Variants in TRIM33 observed in about 807,000 individuals in gnomAD.
TRIM33 encodes E3 ubiquitin-protein ligase TRIM33.
TRIM33 carries 20 observed loss-of-function variants against 125.4 expected under a neutral mutation model. That is an observed-to-expected ratio of 0.16 (90% CI 0.11 to 0.23). TRIM33 has a LOEUF of 0.23. Ranked by LOEUF, TRIM33 falls within the 10% of genes least tolerant of loss-of-function variation. TRIM33 has a pLI of 1.00. For synonymous variants in TRIM33, 564 were observed against 513.9 expected, an observed-to-expected ratio of 1.10 and a Z score of -1.32; for missense variants, 920 against 1,411.4, an observed-to-expected ratio of 0.65 and a Z score of 5.58.
chr1:114,399,744 G>C, intron 17 of TRIM33, 135 bp from the exon 18 acceptor site: 1 of 670,222 alleles, frequency 1.5e-6, no homozygotes, highest in Non-Finnish European at 2.4e-6. Flanking sequence ...GAGTATAGAC[G>C]TATGTACTTT....
rs376570571 is a variant in TRIM33 at position 114,461,803 on chromosome 1, T to C, written c.923+1301A>G. ...TGCAGCTGTGAAAAAGGTAATCTAA[T>C]GTCTTACTGAGACTGTTAGCAGACA... On this transcript the variant is annotated intron_variant, in intron 4 of 19. Coordinates refer to ENST00000358465, the MANE Select transcript of TRIM33 (RefSeq NM_015906.4). Among the ~76,000 whole-genome samples, 252 of 152,276 alleles carry C rather than the reference T, an allele frequency of 1.7e-3. 10 individuals carry two copies. In the South Asian group the frequency reaches 0.051, roughly 31 times the overall value.
chr1:114,416,082 T>C (rs553421570), intron 11 of TRIM33, among the ~76,000 whole-genome samples: 1 of 152,232 alleles, frequency 6.6e-6, no homozygotes, highest in African/African-American at 2.4e-5. Flanking sequence ...AGGGTCTTAA[T>C]ACATGGTAAG....
At chr1:114,407,302 A>G (rs1453357700) in intron 13 of TRIM33, among the ~76,000 whole-genome samples, 1 of 152,150 alleles carries the variant, frequency 6.6e-6, no homozygotes, top group African/African-American at 2.4e-5. Context: ...AGCAACTTTC[A>G]GAAGACCCTA....
chr1:114,411,749 G>A (rs982996448), intron 11 of TRIM33, among the ~76,000 whole-genome samples: 1 of 152,142 alleles, frequency 6.6e-6, no homozygotes, highest in Non-Finnish European at 1.5e-5. Flanking sequence ...GGACATCCCT[G>A]ATGTCATTAT....
intron 4 of TRIM33, among the ~76,000 whole-genome samples, chr1:114,435,985 GGCCAA>G (rs1440973573): frequency 6.8e-6 from 1 of 146,312 alleles, no homozygotes; most frequent in East Asian, 2.0e-4. Flanking sequence ...CTCCTGCCTC[GGCCAA>G]AATGCTAGGA....
At chr1:114,482,304 A>T (rs1259325151) in intron 1 of TRIM33, among the ~76,000 whole-genome samples, 1 of 152,232 alleles carries the variant, frequency 6.6e-6, no homozygotes, top group Admixed American at 6.5e-5. Flanking sequence ...CAATCATCTC[A>T]ACATGCCCCT....
intron 5 of TRIM33, among the ~76,000 whole-genome samples, chr1:114,432,422 A>G (rs1648014947): frequency 6.6e-6 from 1 of 152,144 alleles, no homozygotes; most frequent in South Asian, 2.1e-4. Context: ...AAAACCCACC[A>G]ATGGAGTGTG....
chr1:114,471,220 G>A (rs749411220), intron 1 of TRIM33, among the ~76,000 whole-genome samples: 2 of 152,210 alleles, frequency 1.3e-5, no homozygotes, highest in Non-Finnish European at 2.9e-5. Flanking sequence ...AGGCCGAGGT[G>A]GGCGGATGGC....
intron 1 of TRIM33, among the ~76,000 whole-genome samples, chr1:114,498,427 C>T (rs1005927241): frequency 3.0e-4 from 46 of 152,082 alleles, no homozygotes; most frequent in Non-Finnish European, 5.4e-4. Context: ...GCAGGTGGAT[C>T]ACCTGAGGTC....
chr1:114,417,787 T>C (rs1432674165), intron 11 of TRIM33, among the ~76,000 whole-genome samples: 2 of 151,990 alleles, frequency 1.3e-5, no homozygotes, highest in Admixed American at 1.3e-4. Context: ...GCCTCCCAAA[T>C]AGCTGGGATT....
intron 1 of TRIM33, among the ~76,000 whole-genome samples, chr1:114,479,093 TA>T (rs1256526167): frequency 2.0e-5 from 3 of 152,006 alleles, no homozygotes; most frequent in African/African-American, 4.8e-5. Context: ...ATGGATAAAT[TA>T]AAATTTAATT....
intron 17 of TRIM33, 39 bp downstream of exon 17, chr1:114,401,343 AGTATTAT>A (rs1651876847): frequency 6.5e-7 from 1 of 1,538,792 alleles, no homozygotes; most frequent in South Asian, 1.1e-5. Context: ...CATACTCTTA[AGTATTAT>A]GAGACTTCCC....
intron 15 of TRIM33, chr1:114,404,946 T>C (rs1251772741): frequency 6.6e-6 from 1 of 152,202 alleles, no homozygotes; most frequent in East Asian, 1.9e-4. Flanking sequence ...ATGACTCTAC[T>C]ATTTTATGGT....
chr1:114,440,884 T>G (rs1442447859), intron 4 of TRIM33, among the ~76,000 whole-genome samples: 1 of 152,242 alleles, frequency 6.6e-6, no homozygotes, highest in Non-Finnish European at 1.5e-5. Flanking sequence ...GTGAGGAGAT[T>G]ACTGATTGAA....
At position 114,425,605 on chromosome 1, in the gene TRIM33, C is replaced by T; in HGVS notation, c.1539G>A (p.Gln513=). Residue 513 remains glutamine, a synonymous_variant, in exon 9 of 20, where the codon CAG becomes CAA. Coordinates refer to ENST00000358465, the MANE Select transcript of TRIM33 (RefSeq NM_015906.4). The part of the protein sequence containing the change: ...SKTPGQINLA[Q]LRLQHMQQQV... Reference sequence around the variant, plus strand: ...GTTGTTGCATGTGCTGGAGTCGAAGCTGTGCTAAGTTAATCTGTCCAGGGG... The same window carrying T: ...GTTGTTGCATGTGCTGGAGTCGAAGTTGTGCTAAGTTAATCTGTCCAGGGG... 1.9e-6 allele frequency: 3 copies of T among 1,614,150 alleles called. No individual in the cohort carries two copies. Among genetic ancestry groups the T allele is most frequent in the Non-Finnish European group, 2.5e-6 (3 of 1,180,026 alleles).
chr1:114,479,914 T>C (rs1651205732), intron 1 of TRIM33, among the ~76,000 whole-genome samples: 1 of 139,282 alleles, frequency 7.2e-6, no homozygotes, highest in East Asian at 2.0e-4. Context: ...GGGGCGCCTC[T>C]GCCCGGCCGC....
chr1:114,483,904 AGAG>A (rs1242573194), intron 1 of TRIM33, among the ~76,000 whole-genome samples: 2 of 152,218 alleles, frequency 1.3e-5, no homozygotes, highest in African/African-American at 4.8e-5. Context: ...GAGTATTAGA[AGAG>A]GAGATGAAAA....
chr1:114,424,906 G>A (rs1459588639), intron 9 of TRIM33, 151 bp from the exon 10 acceptor site: 7 of 560,064 alleles, frequency 1.2e-5, no homozygotes, highest in South Asian at 1.2e-4. Context: ...AATCCCCAGA[G>A]GACTGGTAAT....
At chr1:114,440,575 G>C (rs1306794258) in intron 4 of TRIM33, among the ~76,000 whole-genome samples, 1 of 152,068 alleles carries the variant, frequency 6.6e-6, no homozygotes, top group Non-Finnish European at 1.5e-5. Flanking sequence ...GTATACAAAA[G>C]ACCTCTTTGA....
Sources: allele counts gnomAD v4.1 joint callset (sites outside exome capture counted in the v4.1 genomes callset), GRCh38; gene constraint gnomAD v4.1.1; transcripts MANE v1.5; gene names NCBI Gene and HGNC (gene_info 2026-07-23, HGNC 2026-07-21).